Variants in EFHB observed in about 807,000 individuals in gnomAD.
EFHB encodes EF-hand domain family member B.
A neutral mutation model predicts 87.2 loss-of-function variants in EFHB; 91 were observed. The ratio of observed to expected loss-of-function variants is 1.04; its 90% CI spans 0.88 to 1.24. The LOEUF (loss-of-function observed/expected upper bound fraction) is 1.24. EFHB is among the 50% of genes most tolerant of loss of function. EFHB has a pLI of 0.00. For missense variants in EFHB, 1,084 were observed against 998.8 expected, an observed-to-expected ratio of 1.09 and a Z score of -1.15; for synonymous variants, 325 against 333.6, an observed-to-expected ratio of 0.97 and a Z score of 0.28.
At chr3:19,902,029 A>G (rs1188013747) in intron 6 of EFHB, among the ~76,000 whole-genome samples, 3 of 152,160 alleles carry the variant, frequency 2.0e-5, no homozygotes, top group African/African-American at 7.2e-5. Context: ...TCAGGCACAG[A>G]GCCAACTCTT....
At chr3:19,926,301 C>T (rs758277104) in intron 1 of EFHB, among the ~76,000 whole-genome samples, 30 of 151,724 alleles carry the variant, frequency 2.0e-4, no homozygotes, top group Non-Finnish European at 3.4e-4. Context: ...GTGGCCCCAG[C>T]GTTTATTTGT....
Position 19,933,925 on chromosome 3 carries a change from T to C in EFHB, c.94A>G (p.Ile32Val). Residue 32 changes from isoleucine (I) to valine (V), a missense_variant, in exon 1 of 13, where the codon ATC (isoleucine) becomes GTC (valine). Physicochemically the swap from Ile to Val is conservative, Grantham distance 29 (BLOSUM62 3). Coordinates refer to ENST00000295824, the MANE Select transcript of EFHB (RefSeq NM_144715.4). ...MGTKFPMELG[I>V]RVGLGKEDSR... ...TCTTCTTTTCCTAATCCTACTCTGA[T>C]CCCCAACTCCATGGGAAATTTTGTT... is the stretch of plus-strand genomic sequence containing the variant. 1 of 1,613,930 alleles carries C rather than the reference T, an allele frequency of 6.2e-7. No homozygotes were observed. Among genetic ancestry groups the C allele is most frequent in the Non-Finnish European group, 8.5e-7 (1 of 1,179,856 alleles).
At chr3:19,932,547 C>A (rs1430788257) in intron 1 of EFHB, among the ~76,000 whole-genome samples, 1 of 152,206 alleles carries the variant, frequency 6.6e-6, no homozygotes, top group Admixed American at 6.5e-5. Context: ...TTTCTTCAGA[C>A]AAATACTGAC....
intron 5 of EFHB, among the ~76,000 whole-genome samples, chr3:19,909,697 A>T (rs1294226658): frequency 2.0e-5 from 3 of 151,884 alleles, no homozygotes; most frequent in Non-Finnish European, 4.4e-5. Flanking sequence ...GCTTGAGGAG[A>T]GGAGAGGGAA....
chr3:19,925,881 G>C (rs907193342), intron 1 of EFHB, among the ~76,000 whole-genome samples: 63 of 152,276 alleles, frequency 4.1e-4, no homozygotes, highest in African/African-American at 1.5e-3. Flanking sequence ...AGATCCCTCT[G>C]TTTTACTCAG....
At chr3:19,934,763 G>A (rs779919455), upstream of EFHB, among the ~76,000 whole-genome samples, 42 of 152,122 alleles carry the variant, frequency 2.8e-4, no homozygotes, top group Non-Finnish European at 5.0e-4. Context: ...CCTTGTCCAA[G>A]TACCTCCGCC....
At chr3:19,888,403 TA>T in intron 10 of EFHB, 40 bp downstream of exon 10, 2 of 1,171,402 alleles carry the variant, frequency 1.7e-6, no homozygotes, top group Non-Finnish European at 1.1e-6. Context: ...TTTTAAAATT[TA>T]AAAAAATAAT....
At chr3:19,918,478 T>C (rs764344608) in intron 3 of EFHB, 66 bp from the exon 4 acceptor site, 2 of 1,404,680 alleles carry the variant, frequency 1.4e-6, no homozygotes, top group Non-Finnish European at 1.9e-6. Context: ...ATAGAAACCC[T>C]AATCAATAGC....
At chr3:19,932,265 C>T (rs952480624) in intron 1 of EFHB, among the ~76,000 whole-genome samples, 12 of 152,172 alleles carry the variant, frequency 7.9e-5, no homozygotes, top group Non-Finnish European at 1.5e-4. Context: ...CAGTATCTCC[C>T]CCTTCCAGTC....
chr3:19,894,440 A>G (rs1694405070), intron 9 of EFHB: 1 of 152,222 alleles, frequency 6.6e-6, no homozygotes, highest in Non-Finnish European at 1.5e-5. Context: ...TGCTTGATGT[A>G]TTATGATTAC....
chr3:19,884,480 G>T lies in EFHB; in HGVS notation c.2069C>A (p.Pro690Gln). Reference sequence around the variant, plus strand: ...ATAGTAGTTGGAAACTTTATCACTTGGTCTCAGAAGTGTCCGGAGAGTCTT... The same window carrying T: ...ATAGTAGTTGGAAACTTTATCACTTTGTCTCAGAAGTGTCCGGAGAGTCTT... ...TEKTLRTLLR[P>Q]SDKVSNYYKT... Residue 690 changes from proline to glutamine, a missense_variant, in exon 11 of 13, where the codon CCA becomes CAA. By Grantham distance (76) the Pro-to-Gln change is moderately conservative (BLOSUM62 -1). Transcript: ENST00000295824. 6.2e-7 allele frequency: 1 copy of T among 1,613,878 alleles called. No individual in the cohort carries two copies.
intron 9 of EFHB, among the ~76,000 whole-genome samples, chr3:19,891,630 G>T (rs769550495): frequency 3.9e-5 from 6 of 152,110 alleles, no homozygotes; most frequent in African/African-American, 1.2e-4. Context: ...TGGCCACTTG[G>T]AAAACAATAA....
intron 5 of EFHB, among the ~76,000 whole-genome samples, chr3:19,908,590 G>GAAAGAAAGAAAGAA (rs1244772767): frequency 1.8e-5 from 2 of 111,182 alleles, no homozygotes; most frequent in Non-Finnish European, 3.4e-5. Context: ...GAGAGAGAGA[G>GAAAGAAAGAAAGAA]AGAGAGAGAG....
chr3:19,907,870 C>T (rs1694891021), intron 5 of EFHB, among the ~76,000 whole-genome samples: 1 of 152,162 alleles, frequency 6.6e-6, no homozygotes. Context: ...TTATAATTGT[C>T]TCTTAGTTAA....
Position 19,919,837 on chromosome 3 carries a change from A to G in EFHB, c.992T>C (p.Val331Ala). The part of the protein sequence containing the change: ...LTHGIRSKIS[V>A]LANTLINPQP... ...GAAAAAAAGAAAATAACTTACCAGT[A>G]CTGAAATTTTAGATCTAATTCCATG... Residue 331 changes from valine (V) to alanine (A), a missense_variant, in exon 3 of 13, where the codon GTA becomes GCA. Coordinates refer to ENST00000295824, the MANE Select transcript of EFHB (RefSeq NM_144715.4). 6.2e-7 allele frequency: 1 copy of G among 1,612,162 alleles called. No individual in the cohort carries two copies. The highest frequency in any genetic ancestry group is 1.1e-5 in the South Asian group (1 of 90,934).
At chr3:19,939,433 G>A (rs1352216238) in intron 1 of EFHB, among the ~76,000 whole-genome samples, 3 of 126,864 alleles carry the variant, frequency 2.4e-5, no homozygotes, top group Non-Finnish European at 3.2e-5. Flanking sequence ...CGCCCAGGCT[G>A]GAGTGCAGTG....
chr3:19,934,531 C>T (rs1695963856), upstream of EFHB, among the ~76,000 whole-genome samples: 2 of 151,738 alleles, frequency 1.3e-5, no homozygotes, highest in African/African-American at 4.9e-5. Context: ...CCCTCTATCC[C>T]TGCTTCCTCT....
chr3:19,935,300 TA>T (rs1455493053), upstream of EFHB, among the ~76,000 whole-genome samples: 1 of 152,248 alleles, frequency 6.6e-6, no homozygotes, highest in East Asian at 1.9e-4. Context: ...TCATTGTTTT[TA>T]AGTAGGAGAT....
At chr3:19,893,507 G>C (rs1200353280) in intron 9 of EFHB, among the ~76,000 whole-genome samples, 1 of 152,122 alleles carries the variant, frequency 6.6e-6, no homozygotes, top group African/African-American at 2.4e-5. Context: ...GGATGTTCAG[G>C]GGAGTGACAG....
Sources: allele counts gnomAD v4.1 joint callset (sites outside exome capture counted in the v4.1 genomes callset), GRCh38; gene constraint gnomAD v4.1.1; transcripts MANE v1.5; gene names NCBI Gene and HGNC (gene_info 2026-07-23, HGNC 2026-07-21).